The following CACNA1E variants were observed in gnomAD, a reference collection of about 807,000 sequenced individuals.
CACNA1E encodes calcium voltage-gated channel subunit alpha1 E, also known as voltage-dependent R-type calcium channel subunit alpha-1E.
A neutral mutation model predicts 259.2 loss-of-function variants in CACNA1E; 40 were observed. The observed-to-expected ratio is 0.15, with a 90% CI of 0.12 to 0.20. CACNA1E has a LOEUF of 0.20. Among genes scored for constraint, CACNA1E ranks in the 10% least tolerant of loss-of-function variants. The pLI is 1.00. For missense variants in CACNA1E, 1,874 were observed against 3,040.1 expected (o/e 0.62, Z 9.02); for synonymous variants, 1,104 against 1,138.5 (o/e 0.97, Z 0.61).
intron 2 of CACNA1E, among the ~76,000 whole-genome samples, chr1:181,452,840 G>A (rs541765266): frequency 1.3e-5 from 2 of 152,120 alleles, no homozygotes; most frequent in Non-Finnish European, 2.9e-5. Context: ...TTGTCTGGTG[G>A]TTCTTCTCAG....
chr1:181,666,584 G>T (rs530677712), intron 7 of CACNA1E, among the ~76,000 whole-genome samples: 2 of 152,114 alleles, frequency 1.3e-5, no homozygotes, highest in South Asian at 2.1e-4. Context: ...AAATGTATAA[G>T]AGTAGCCAAG....
At chr1:181,339,308 C>A (rs1290720575) in intron 1 of CACNA1E, among the ~76,000 whole-genome samples, 3 of 151,974 alleles carry the variant, frequency 2.0e-5, no homozygotes, top group Non-Finnish European at 4.4e-5. Flanking sequence ...GAAATCTTTC[C>A]ATTTATTTAT....
At chr1:181,643,617 G>A (rs10910977) in intron 6 of CACNA1E, among the ~76,000 whole-genome samples, 4 of 152,022 alleles carry the variant, frequency 2.6e-5, no homozygotes, top group Admixed American at 6.5e-5. Flanking sequence ...CCCTGGTCTC[G>A]GTAGCATCGT....
At chr1:181,546,992 T>C (rs1332050701) in intron 3 of CACNA1E, among the ~76,000 whole-genome samples, 1 of 152,200 alleles carries the variant, frequency 6.6e-6, no homozygotes, top group African/African-American at 2.4e-5. Flanking sequence ...CCTCATTACC[T>C]GATAACTTAG....
intron 1 of CACNA1E, among the ~76,000 whole-genome samples, chr1:181,501,899 T>C (rs1665277080): frequency 6.6e-6 from 1 of 152,204 alleles, no homozygotes; most frequent in South Asian, 2.1e-4. Flanking sequence ...TGATACATTT[T>C]TGTTTTGTTT....
intron 1 of CACNA1E, among the ~76,000 whole-genome samples, chr1:181,352,493 G>A (rs968367690): frequency 2.6e-5 from 4 of 152,186 alleles, no homozygotes; most frequent in Non-Finnish European, 5.9e-5. Context: ...TGTCAAAGAA[G>A]CCATAAGGTC....
At position 181,794,896 on chromosome 1, in the gene CACNA1E, A is replaced by G. The variant is rs895742644; in HGVS notation, c.6060A>G (p.Ser2020=). The G allele has an allele frequency of 5.6e-6, 9 of 1,613,598 alleles. No individual in the cohort carries two copies. Among genetic ancestry groups the G allele is most frequent in the Admixed American group, 1.7e-5 (1 of 59,976 alleles). ...CAGACCCTAGCTCCATGAGACGTTC[A>G]TTTTCCACTATTCGGGATAAGCGTT... The part of the protein sequence containing the change: ...VVTDPSSMRR[S]FSTIRDKRSN... The change falls in exon 46 of 48, where the codon TCA becomes TCG. Residue 2020 remains serine, a synonymous_variant. Coordinates refer to ENST00000367573, the MANE Select transcript of CACNA1E (RefSeq NM_001205293.3).
At chr1:181,650,559 G>C (rs1199881998) in intron 6 of CACNA1E, among the ~76,000 whole-genome samples, 1 of 152,174 alleles carries the variant, frequency 6.6e-6, no homozygotes, top group Non-Finnish European at 1.5e-5. Context: ...AGACTCCCAA[G>C]CTCTATTTCA....
At chr1:181,694,315 G>A (rs1307917860) in intron 7 of CACNA1E, among the ~76,000 whole-genome samples, 1 of 152,132 alleles carries the variant, frequency 6.6e-6, no homozygotes, top group Admixed American at 6.6e-5. Context: ...TTATAATAAA[G>A]ACTTGCAGTA....
At chr1:181,655,969 A>C (rs747842423) in intron 7 of CACNA1E, among the ~76,000 whole-genome samples, 9 of 152,142 alleles carry the variant, frequency 5.9e-5, no homozygotes, top group Non-Finnish European at 1.2e-4. Flanking sequence ...TGGCTTAGTG[A>C]TGTCATAGTC....
Position 181,762,651 on chromosome 1 carries a change from C to A in CACNA1E, c.4683C>A (p.Asp1561Glu). Residue 1561 changes from aspartate (D) to glutamate (E), a missense_variant, in exon 33 of 48, where the codon GAC becomes GAA. Around this residue, in one of 14 missense-constraint regions of CACNA1E, gnomAD observed 188 missense variants for 540.6 expected, o/e 0.35. Coordinates refer to ENST00000367573, the MANE Select transcript of CACNA1E (RefSeq NM_001205293.3). The stretch of plus-strand genomic sequence containing the variant: ...GTATCACAGAAATTATCCTGACAGA[C>A]AGCAAGGTGAATGGCTTATAAGATC... ...IGSITEIILT[D>E]SKLVNTSGFN... 1 of 1,588,202 alleles carries A rather than the reference C, an allele frequency of 6.3e-7. No individual in the cohort carries two copies. The highest frequency in any genetic ancestry group is 8.6e-7 in the Non-Finnish European group (1 of 1,159,584).
chr1:181,725,315 C>T (rs983306124), intron 17 of CACNA1E, among the ~76,000 whole-genome samples: 1 of 152,206 alleles, frequency 6.6e-6, no homozygotes, highest in African/African-American at 2.4e-5. Context: ...CTGAGTCCCA[C>T]ACCTGCCATT....
chr1:181,599,137 A>C (rs1357408526), intron 6 of CACNA1E, among the ~76,000 whole-genome samples: 1 of 146,632 alleles, frequency 6.8e-6, no homozygotes, highest in Non-Finnish European at 1.5e-5. Context: ...GATAGGCCCC[A>C]GTGTGTGTTG....
intron 2 of CACNA1E, among the ~76,000 whole-genome samples, chr1:181,436,682 T>C (rs905674165): frequency 6.6e-6 from 1 of 152,106 alleles, no homozygotes; most frequent in South Asian, 2.1e-4. Context: ...CAGAGTACAA[T>C]GGTGGTTACA....
At chr1:181,482,985 G>A (rs1663426966), upstream of CACNA1E, among the ~76,000 whole-genome samples, 2 of 152,284 alleles carry the variant, frequency 1.3e-5, no homozygotes, top group Admixed American at 1.3e-4. Flanking sequence ...GAGCTTTGAA[G>A]TCATTTGTCC....
intron 1 of CACNA1E, among the ~76,000 whole-genome samples, chr1:181,318,858 G>C (rs971643751): frequency 3.3e-5 from 5 of 152,220 alleles, no homozygotes; most frequent in Admixed American, 2.6e-4. Flanking sequence ...GAGCACAGAG[G>C]AAGCCAGGCT....
intron 6 of CACNA1E, among the ~76,000 whole-genome samples, chr1:181,638,688 G>A (rs1202495848): frequency 6.6e-6 from 1 of 152,174 alleles, no homozygotes; most frequent in Admixed American, 6.5e-5. Flanking sequence ...ATGTGTCAAG[G>A]GAGAGACCAC....
chr1:181,677,607 TG>T (rs1649510312), intron 7 of CACNA1E, among the ~76,000 whole-genome samples: 1 of 152,222 alleles, frequency 6.6e-6, no homozygotes, highest in Admixed American at 6.5e-5. Context: ...GTATGAAACC[TG>T]GTCCTTTGTC....
chr1:181,799,787 A>C lies in CACNA1E; in HGVS notation c.*953A>C, dbSNP rs1662138720. 6.9e-6 allele frequency: 1 copy of C among 144,050 alleles called. No homozygotes were observed. The highest frequency in any genetic ancestry group is 2.1e-4 in the East Asian group (1 of 4,796). The allele number at this position is 144,050 out of a possible 1,614,324, so 8.9% of individuals were successfully genotyped here. A position where few individuals can be genotyped will look rare whatever the true frequency, so the allele number is the denominator to read the frequency against. ...ACCCTGAGGGTGTGGGTAGAGTAGCAGGGGCCACCTAAGAGATTAAAAACA... is the reference window on the plus strand; with the variant it reads ...ACCCTGAGGGTGTGGGTAGAGTAGCCGGGGCCACCTAAGAGATTAAAAACA... On this transcript the variant is annotated 3_prime_UTR_variant, in exon 48 of 48. Transcript: ENST00000367573.
Sources: allele counts gnomAD v4.1 joint callset (sites outside exome capture counted in the v4.1 genomes callset), GRCh38; gene constraint gnomAD v4.1.1; regional missense constraint gnomAD v4.1.1; transcripts MANE v1.5; gene names NCBI Gene and HGNC (gene_info 2026-07-23, HGNC 2026-07-21).